The following GID8 variants were observed in gnomAD, a reference collection of about 807,000 sequenced individuals.
GID8 encodes glucose-induced degradation protein 8 homolog.
GID8 carries 6 observed loss-of-function variants against 27.4 expected under a neutral mutation model. The ratio of observed to expected loss-of-function variants is 0.22; its 90% CI spans 0.12 to 0.43. The LOEUF (loss-of-function observed/expected upper bound fraction) is 0.43. GID8 is among the 20% of genes least tolerant of loss of function. GID8 has a pLI of 1.00. For missense variants in GID8, 173 were observed against 287.6 expected (o/e 0.60, Z 2.88); for synonymous variants, 112 against 109.0 (o/e 1.03, Z -0.17).
chr20:62,943,250 G>T lies in GID8; in HGVS notation c.315+67G>T, dbSNP rs2065451545. 8.1e-7 allele frequency: 1 copy of T among 1,237,596 alleles called. No homozygotes were observed. Among genetic ancestry groups the T allele is most frequent in the Admixed American group, 2.1e-5 (1 of 48,768 alleles). 76.7% of individuals were successfully genotyped at this position (1,237,596 alleles called of 1,614,324 possible). The stretch of plus-strand genomic sequence containing the variant: ...TAAGTTAAAGTTATTTGCAATGATT[G>T]AGAAATAACTAGGCTAATTTGCTTT... On this transcript the variant is annotated intron_variant, in intron 3 of 4. Transcript: ENST00000266069. The surrounding 1 kb of genome is among the most constrained non-coding windows in gnomAD (Gnocchi z 4.7).
At chr20:62,944,328 A>G (rs2065456357) in intron 4 of GID8, among the ~76,000 whole-genome samples, 1 of 152,114 alleles carries the variant, frequency 6.6e-6, no homozygotes, top group Non-Finnish European at 1.5e-5. Flanking sequence ...GCAGAACATG[A>G]CAGCTCCTCG....
chr20:62,946,910 A>C lies in GID8; in HGVS notation c.*1998A>C, dbSNP rs879554450. 1 of 152,248 alleles carries C rather than the reference A, an allele frequency of 6.6e-6. No homozygotes were observed. Among genetic ancestry groups the C allele is most frequent in the African/African-American group, 2.4e-5 (1 of 41,452 alleles). 9.4% of individuals were successfully genotyped at this position (152,248 alleles called of 1,614,324 possible). On this transcript the variant is annotated 3_prime_UTR_variant, in exon 5 of 5. Transcript: ENST00000266069. ...ACTATTCGTGTATATAAGATCGTTT[A>C]CTTGCATAATATATCATCAATTTGA...
rs2065468635 is a variant in GID8, at chr20:62,946,839, T to G, written c.*1927T>G. 1 of 152,274 alleles carries G rather than the reference T, an allele frequency of 6.6e-6. No individual in the cohort carries two copies. Among genetic ancestry groups the G allele is most frequent in the Non-Finnish European group, 1.5e-5 (1 of 68,050 alleles). 9.4% of individuals were successfully genotyped at this position (152,274 alleles called of 1,614,324 possible). A position where few individuals can be genotyped will look rare whatever the true frequency, so the allele number is the denominator to read the frequency against. ...GGTGAGAGAGATGCATCTGCACGTT[T>G]TCTTCAACAGCACCAGGTGATTCAG... On this transcript the variant is annotated 3_prime_UTR_variant, in exon 5 of 5. Coordinates refer to ENST00000266069, the MANE Select transcript of GID8 (RefSeq NM_017896.3).
intron 1 of GID8, among the ~76,000 whole-genome samples, chr20:62,940,083 A>G (rs781599250): frequency 5.3e-5 from 8 of 151,828 alleles, no homozygotes; most frequent in Admixed American, 6.6e-5. Flanking sequence ...CCACGTACAT[A>G]TTTGTTGCTA....
intron 2 of GID8, among the ~76,000 whole-genome samples, chr20:62,942,568 G>C (rs1021270598): frequency 1.3e-5 from 2 of 152,248 alleles, no homozygotes; most frequent in African/African-American, 4.8e-5. Context: ...AGAGGTGGGA[G>C]TCAACAGGCC....
chr20:62,943,148 T>C lies in GID8; in HGVS notation c.280T>C (p.Leu94=), dbSNP rs1339963063. The change falls in exon 3 of 5, where the codon TTG becomes CTG. Residue 94 remains leucine, a synonymous_variant. Coordinates refer to ENST00000266069, the MANE Select transcript of GID8 (RefSeq NM_017896.3). The surrounding 1 kb of genome is among the most constrained non-coding windows in gnomAD (Gnocchi z 4.7). ...GATCAACAGCCTCCACCCAGAGCTCTTGGACACAAACCGGTATCTTTACTT... is the reference window on the plus strand; with the variant it reads ...GATCAACAGCCTCCACCCAGAGCTCCTGGACACAAACCGGTATCTTTACTT... The part of the protein sequence containing the change: ...ALINSLHPEL[L]DTNRYLYFHL... The C allele has an allele frequency of 4.3e-6, 7 of 1,613,488 alleles. No individual in the cohort carries two copies. The East Asian group carries it at 1.6e-4, about 36-fold the overall frequency.
rs2147632537 is a variant in GID8, at chr20:62,943,714, C to A, written c.513+22C>A. The A allele has an allele frequency of 6.3e-7, 1 of 1,590,224 alleles. No individual in the cohort carries two copies. Among genetic ancestry groups the A allele is most frequent in the Non-Finnish European group, 8.6e-7 (1 of 1,159,228 alleles). ...GAAGGTGGGGCCTGCCAGAGGGAAGCTTTCTTCCATTCCCCATGTGCTCTG... is the reference window on the plus strand; with the variant it reads ...GAAGGTGGGGCCTGCCAGAGGGAAGATTTCTTCCATTCCCCATGTGCTCTG... On this transcript the variant is annotated intron_variant, in intron 4 of 4. Transcript: ENST00000266069. This position sits in a 1 kb window ranked among gnomAD's most constrained non-coding sequence, Gnocchi z 4.7.
Position 62,943,881 on chromosome 20 carries a change from G to A in GID8, c.513+189G>A, listed in dbSNP as rs1224116497. On this transcript the variant is annotated intron_variant, in intron 4 of 4. Coordinates refer to ENST00000266069, the MANE Select transcript of GID8 (RefSeq NM_017896.3). This position sits in a 1 kb window ranked among gnomAD's most constrained non-coding sequence, Gnocchi z 4.7. Reference sequence around the variant, plus strand: ...GGTGAAGTCTTGTTCTGTCGCCCAGGCTGGAGTGCAGTGACGAGATCTCTG... The same window carrying A: ...GGTGAAGTCTTGTTCTGTCGCCCAGACTGGAGTGCAGTGACGAGATCTCTG... Among the ~76,000 whole-genome samples the A allele has an allele frequency of 2.0e-5, 3 of 150,436 alleles. No individual in the cohort carries two copies. The highest frequency in any genetic ancestry group is 7.3e-5 in the African/African-American group (3 of 40,836).
At chr20:62,941,892 A>G (rs1195396629) in intron 2 of GID8, among the ~76,000 whole-genome samples, 1 of 152,186 alleles carries the variant, frequency 6.6e-6, no homozygotes, top group Non-Finnish European at 1.5e-5. Context: ...GTTGTGAAGT[A>G]AGTATATTGA....
Position 62,945,621 on chromosome 20 carries a change from C to T in GID8, c.*709C>T, listed in dbSNP as rs2065463018. ...AGTTTTGTTGAAAATAAAGGTTTCT[C>T]TTTGATTTCAAGAATGACCAAAATG... On this transcript the variant is annotated 3_prime_UTR_variant, in exon 5 of 5. Coordinates refer to ENST00000266069, the MANE Select transcript of GID8 (RefSeq NM_017896.3). 1 of 1,168,210 alleles carries T rather than the reference C, an allele frequency of 8.6e-7. No homozygotes were observed. Among genetic ancestry groups the T allele is most frequent in the South Asian group, 1.7e-5 (1 of 60,254 alleles). 72.4% of individuals were successfully genotyped at this position (1,168,210 alleles called of 1,614,324 possible).
intron 4 of GID8, among the ~76,000 whole-genome samples, 172 bp from the exon 5 acceptor site, chr20:62,944,567 G>A (rs1012407340): frequency 6.6e-6 from 1 of 152,230 alleles, no homozygotes; most frequent in Non-Finnish European, 1.5e-5. Context: ...GAGGTTGCAT[G>A]TGACGTTTAA....
chr20:62,947,869 T>G lies in GID8; in HGVS notation c.*2957T>G, dbSNP rs1435454217. 1 of 152,260 alleles carries G rather than the reference T, an allele frequency of 6.6e-6. No homozygotes were observed. Among genetic ancestry groups the G allele is most frequent in the Non-Finnish European group, 1.5e-5 (1 of 68,052 alleles). 9.4% of individuals were successfully genotyped at this position (152,260 alleles called of 1,614,324 possible). A position where few individuals can be genotyped will look rare whatever the true frequency, so the allele number is the denominator to read the frequency against. On this transcript the variant is annotated 3_prime_UTR_variant, in exon 5 of 5. Coordinates refer to ENST00000266069, the MANE Select transcript of GID8 (RefSeq NM_017896.3). Reference sequence around the variant, plus strand: ...CTAAGGCAATGTGATGTCTTTGCTTTCTTATTTCTCTTTCTCTGCGTTGTT... The same window carrying G: ...CTAAGGCAATGTGATGTCTTTGCTTGCTTATTTCTCTTTCTCTGCGTTGTT...
Position 62,945,695 on chromosome 20 carries a change from G to A in GID8, c.*783G>A, listed in dbSNP as rs550461552. ...TCAAATGACCTTTTGTCTTTGGGGC[G>A]TTCTTCCCCCTGTGATAGCGGCAGT... On this transcript the variant is annotated 3_prime_UTR_variant, in exon 5 of 5. Transcript: ENST00000266069. 2.4e-5 allele frequency: 28 copies of A among 1,188,554 alleles called. No homozygotes were observed. The South Asian group carries it at 3.1e-4, about 13-fold the overall frequency. 73.6% of individuals were successfully genotyped at this position (1,188,554 alleles called of 1,614,324 possible).
At chr20:62,940,462 G>A (rs1206195423) in intron 1 of GID8, among the ~76,000 whole-genome samples, 2 of 151,330 alleles carry the variant, frequency 1.3e-5, no homozygotes, top group African/African-American at 4.9e-5. Flanking sequence ...CCATTCTCCT[G>A]CCTCAGCCTC....
Position 62,943,436 on chromosome 20 carries a change from C to T in GID8, c.316-59C>T. The T allele has an allele frequency of 4.1e-6, 6 of 1,462,052 alleles. No homozygotes were observed. The highest frequency in any genetic ancestry group is 5.7e-6 in the Non-Finnish European group (6 of 1,045,896). The allele number at this position is 1,462,052 out of a possible 1,614,324, so 90.6% of individuals were successfully genotyped here. A position where few individuals can be genotyped will look rare whatever the true frequency, so the allele number is the denominator to read the frequency against. On this transcript the variant is annotated intron_variant, in intron 3 of 4. Transcript: ENST00000266069. This position sits in a 1 kb window ranked among gnomAD's most constrained non-coding sequence, Gnocchi z 4.7. Reference sequence around the variant, plus strand: ...ACTTTTGATTGGGACCTGGTACCACCTGCCCTAAGTCCCTGGCCTGGGTGT... The same window carrying T: ...ACTTTTGATTGGGACCTGGTACCACTTGCCCTAAGTCCCTGGCCTGGGTGT...
At chr20:62,944,201 C>T (rs1005264479) in intron 4 of GID8, among the ~76,000 whole-genome samples, 5 of 152,186 alleles carry the variant, frequency 3.3e-5, no homozygotes, top group African/African-American at 4.8e-5. Flanking sequence ...AGTATTCACA[C>T]CCTTTGCTGG....
Position 62,945,217 on chromosome 20 carries a change from C to G in GID8, c.*305C>G. 8.7e-7 allele frequency: 1 copy of G among 1,151,476 alleles called. No homozygotes were observed. Among genetic ancestry groups the G allele is most frequent in the Non-Finnish European group, 1.1e-6 (1 of 930,776 alleles). 71.3% of individuals were successfully genotyped at this position (1,151,476 alleles called of 1,614,324 possible). A position where few individuals can be genotyped will look rare whatever the true frequency, so the allele number is the denominator to read the frequency against. ...GCCTCTGGCTGCTGAAGGATTCGGT[C>G]TACCACGGAGGGCTGTGCTGTTAGG... On this transcript the variant is annotated 3_prime_UTR_variant, in exon 5 of 5. Coordinates refer to ENST00000266069, the MANE Select transcript of GID8 (RefSeq NM_017896.3).
In GID8 at chr20:62,945,534, T is replaced by G; in HGVS notation, c.*622T>G. On this transcript the variant is annotated 3_prime_UTR_variant, in exon 5 of 5. Coordinates refer to ENST00000266069, the MANE Select transcript of GID8 (RefSeq NM_017896.3). ...GTTTTTTAATTTTTTAAATATATAT[T>G]TTGGTGCTGTGTGTGGTAAGAGACT... 1.9e-6 allele frequency: 2 copies of G among 1,059,240 alleles called. No individual in the cohort carries two copies. The highest frequency in any genetic ancestry group is 2.3e-6 in the Non-Finnish European group (2 of 872,224). 65.6% of individuals were successfully genotyped at this position (1,059,240 alleles called of 1,614,324 possible).
At chr20:62,944,585 A>G (rs1213866023) in intron 4 of GID8, among the ~76,000 whole-genome samples, 154 bp from the exon 5 acceptor site, 2 of 152,136 alleles carry the variant, frequency 1.3e-5, no homozygotes, top group African/African-American at 4.8e-5. Context: ...TAACAACCAG[A>G]CTGTGAGCTT....
Sources: gnomAD v4.1 joint callset for allele counts (sites outside exome capture counted in the v4.1 genomes callset) on GRCh38, gnomAD v4.1.1 for gene constraint, Gnocchi (gnomAD v3.1) non-coding constraint, MANE v1.5 for transcripts, NCBI Gene and HGNC (gene_info 2026-07-23, HGNC 2026-07-21) for gene names.